Variants in EXOSC5 observed in about 807,000 individuals in gnomAD.
EXOSC5 encodes exosome complex component RRP46.
EXOSC5 carries 15 observed loss-of-function variants against 23.7 expected under a neutral mutation model. The observed-to-expected ratio is 0.63, with a 90% CI of 0.42 to 0.97. The LOEUF (loss-of-function observed/expected upper bound fraction) is 0.97. EXOSC5 is among the 50% of genes least tolerant of loss of function. The pLI, the probability that EXOSC5 is intolerant of heterozygous loss-of-function variation, is 0.00. For synonymous variants in EXOSC5, 143 were observed against 140.9 expected (o/e 1.02, Z -0.11); for missense variants, 305 against 316.3 (o/e 0.96, Z 0.27).
intron 1 of EXOSC5, among the ~76,000 whole-genome samples, chr19:41,394,279 G>A (rs1295639078): frequency 6.6e-6 from 1 of 151,998 alleles, no homozygotes; most frequent in Admixed American, 6.6e-5. Flanking sequence ...TTGGGAGGCC[G>A]ACGCAGGAGA....
chr19:41,386,838 C>A (rs939236283), intron 5 of EXOSC5, 113 bp from the exon 6 acceptor site: 1 of 830,032 alleles, frequency 1.2e-6, no homozygotes, highest in Non-Finnish European at 1.9e-6. Context: ...TCCCATCACT[C>A]CCCTGCCCCC....
At chr19:41,388,404 A>G (rs1324677448) in intron 4 of EXOSC5, among the ~76,000 whole-genome samples, 1 of 152,206 alleles carries the variant, frequency 6.6e-6, no homozygotes, top group Non-Finnish European at 1.5e-5. Context: ...GGACAATGGC[A>G]GGTGCTGATG....
chr19:41,393,331 C>T (rs1040552871), intron 1 of EXOSC5, among the ~76,000 whole-genome samples: 2 of 152,054 alleles, frequency 1.3e-5, no homozygotes, highest in African/African-American at 4.8e-5. Context: ...GTGGTGCCAT[C>T]ACGGCTCATT....
At chr19:41,388,048 C>A (rs755077976) in intron 4 of EXOSC5, among the ~76,000 whole-genome samples, 1 of 152,210 alleles carries the variant, frequency 6.6e-6, no homozygotes, top group South Asian at 2.1e-4. Flanking sequence ...CATAGCCAGG[C>A]GCTCACCTAT....
In EXOSC5 at chr19:41,391,852, C is replaced by T. The variant is rs952451803; in HGVS notation, c.373G>A (p.Asp125Asn). Residue 125 changes from aspartate to asparagine, a missense_variant, in exon 3 of 6, where the codon GAT (aspartate) becomes AAT (asparagine). Transcript: ENST00000221233. Reference sequence around the variant, plus strand: ...GGCAGAAAGGATACAGAGCCGGCATCGCTGACAACCTGCAGCACCACGGTG... The same window carrying T: ...GGCAGAAAGGATACAGAGCCGGCATTGCTGACAACCTGCAGCACCACGGTG... The part of the protein sequence containing the change: ...SITVVLQVVS[D>N]AGSLLACCLN... The T allele has an allele frequency of 1.6e-5, 25 of 1,522,890 alleles. 1 individual carries two copies. Among genetic ancestry groups the T allele is most frequent in the South Asian group, 9.0e-5 (7 of 78,054 alleles). The allele number at this position is 1,522,890 out of a possible 1,614,324, so 94.3% of individuals were successfully genotyped here.
rs1377829741 is a variant in EXOSC5, at chr19:41,387,506, G to C, written c.615+8C>G. The C allele has an allele frequency of 6.3e-7, 1 of 1,588,670 alleles. No individual in the cohort carries two copies. Among genetic ancestry groups the C allele is most frequent in the Admixed American group, 1.8e-5 (1 of 55,218 alleles). On this transcript the variant is annotated splice_region_variant and intron_variant, in intron 5 of 5. Transcript: ENST00000221233. ...TTCTGGCTTTTCCCCTCATCCCCATGCTGGTACCTCAGTGTCTGAGTAGAG... is the reference window on the plus strand; with the variant it reads ...TTCTGGCTTTTCCCCTCATCCCCATCCTGGTACCTCAGTGTCTGAGTAGAG...
intron 1 of EXOSC5, among the ~76,000 whole-genome samples, chr19:41,395,621 C>T (rs1568498228): frequency 6.6e-6 from 1 of 152,202 alleles, no homozygotes; most frequent in Non-Finnish European, 1.5e-5. Flanking sequence ...TCAGCCCTCA[C>T]ATCTCAGACA....
At chr19:41,390,100 TC>T (rs2039013162) in intron 3 of EXOSC5, among the ~76,000 whole-genome samples, 195 bp from the exon 4 acceptor site, 1 of 152,126 alleles carries the variant, frequency 6.6e-6, no homozygotes, top group African/African-American at 2.4e-5. Flanking sequence ...ACCCGGCTAA[TC>T]TTTGTATTTT....
At position 41,397,237 on chromosome 19, in the gene EXOSC5, A is replaced by G. The variant is rs140895550; in HGVS notation, c.92T>C (p.Phe31Ser). The G allele has an allele frequency of 7.4e-6, 12 of 1,614,068 alleles. No homozygotes were observed. The African/African-American group carries it at 1.6e-4, about 22-fold the overall frequency. The change falls in exon 1 of 6, where the codon TTT (phenylalanine) becomes TCT (serine). Residue 31 changes from phenylalanine (F) to serine (S), a missense_variant. Physicochemically the swap from Phe to Ser is radical, Grantham distance 155. Transcript: ENST00000221233. The part of the protein sequence containing the change: ...PRGPGCSLRH[F>S]ACEQNLLSRP... ...CGACAGCAGGTTCTGTTCGCAGGCA[A>G]AGTGCCGGAGGCTGCAGCCAGGACC...
intron 5 of EXOSC5, 39 bp from the exon 6 acceptor site, chr19:41,386,764 C>A (rs1222959161): frequency 1.4e-5 from 22 of 1,533,010 alleles, no homozygotes; most frequent in Non-Finnish European, 1.9e-5. Context: ...GGGCCGAGCC[C>A]TTCATGCACA....
chr19:41,392,550 C>T (rs974791210), intron 2 of EXOSC5, among the ~76,000 whole-genome samples: 1 of 151,558 alleles, frequency 6.6e-6, no homozygotes, highest in Non-Finnish European at 1.5e-5. Flanking sequence ...TGCCACTGCA[C>T]TCCAGCCGGG....
In EXOSC5 at chr19:41,392,999, G is replaced by C; in HGVS notation, c.149-19C>G. 2 of 1,607,912 alleles carry C rather than the reference G, an allele frequency of 1.2e-6. No homozygotes were observed. The highest frequency in any genetic ancestry group is 8.5e-7 in the Non-Finnish European group (1 of 1,176,092). On this transcript the variant is annotated intron_variant, in intron 1 of 5. Transcript: ENST00000221233. The stretch of plus-strand genomic sequence containing the variant: ...GTGTCACCTGAGGAGACAGCAGGGA[G>C]GGCCTCACTCACAGCTTCCCTGCTC...
Position 41,389,859 on chromosome 19 carries a change from G to A in EXOSC5, c.431C>T (p.Ala144Val). The stretch of plus-strand genomic sequence containing the variant: ...GAAGAGAGCCCGCATGGGCACACCT[G>A]CATCCACCAATGCCATGCAGGCGGC... Reference protein sequence around the residue: ...LNAACMALVDAGVPMRALFCG... With the variant: ...LNAACMALVDVGVPMRALFCG... The change falls in exon 4 of 6, where the codon GCA (alanine) becomes GTA (valine). Residue 144 changes from alanine (A) to valine (V), a missense_variant. Transcript: ENST00000221233. The A allele has an allele frequency of 6.2e-7, 1 of 1,613,920 alleles. No individual in the cohort carries two copies. The highest frequency in any genetic ancestry group is 8.5e-7 in the Non-Finnish European group (1 of 1,179,918).
At position 41,386,738 on chromosome 19, in the gene EXOSC5, G is replaced by A; in HGVS notation, c.616-13C>T. ...GGCACTGCTGGAGCTGCGGGGGAGAGACTGGTCGGTGCTGGGGGCCGAGCC... is the reference window on the plus strand; with the variant it reads ...GGCACTGCTGGAGCTGCGGGGGAGAAACTGGTCGGTGCTGGGGGCCGAGCC... On this transcript the variant is annotated splice_polypyrimidine_tract_variant and intron_variant, in intron 5 of 5. Transcript: ENST00000221233. The A allele has an allele frequency of 1.3e-6, 2 of 1,570,814 alleles. No individual in the cohort carries two copies. The highest frequency in any genetic ancestry group is 8.6e-7 in the Non-Finnish European group (1 of 1,161,992).
chr19:41,397,291 G>A lies in EXOSC5; in HGVS notation c.38C>T (p.Ala13Val), dbSNP rs772326120. 1.2e-6 allele frequency: 2 copies of A among 1,613,856 alleles called. No individual in the cohort carries two copies. The highest frequency in any genetic ancestry group is 4.5e-5 in the East Asian group (2 of 44,898). Residue 13 changes from alanine to valine, a missense_variant, in exon 1 of 6, where the codon GCT (alanine) becomes GTT (valine). Coordinates refer to ENST00000221233, the MANE Select transcript of EXOSC5 (RefSeq NM_020158.4). ...AGGGCTGGACCCTGTTCCATTTTCAGCACGGATTTTGGCGTCAGTATGCGT... is the reference window on the plus strand; with the variant it reads ...AGGGCTGGACCCTGTTCCATTTTCAACACGGATTTTGGCGTCAGTATGCGT... ...EETHTDAKIRAENGTGSSPRG... is the reference protein window; with the variant it reads ...EETHTDAKIRVENGTGSSPRG...
chr19:41,389,720 G>A (rs2039008734), intron 4 of EXOSC5, 45 bp downstream of exon 4: 1 of 1,591,040 alleles, frequency 6.3e-7, no homozygotes, highest in Admixed American at 1.8e-5. Context: ...GGGACGGGCA[G>A]CTGTCTGGCC....
Position 41,391,949 on chromosome 19 carries a change from C to T in EXOSC5, c.276G>A (p.Lys92=). 1 of 1,584,190 alleles carries T rather than the reference C, an allele frequency of 6.3e-7. No homozygotes were observed. Among genetic ancestry groups the T allele is most frequent in the Non-Finnish European group, 8.6e-7 (1 of 1,168,430 alleles). ...TGTTCCTGATCAGCCGCTCCCGGCTCTTCTCTGCAACACCTGGGGAAATTG... is the reference window on the plus strand; with the variant it reads ...TGTTCCTGATCAGCCGCTCCCGGCTTTTCTCTGCAACACCTGGGGAAATTG... ...PKIGLPGVAE[K]SRERLIRNTC... Residue 92 remains lysine, a synonymous_variant, in exon 3 of 6, where the codon AAG becomes AAA. Coordinates refer to ENST00000221233, the MANE Select transcript of EXOSC5 (RefSeq NM_020158.4).
chr19:41,391,829 C>A lies in EXOSC5; in HGVS notation c.384+12G>T. The A allele has an allele frequency of 6.7e-7, 1 of 1,496,684 alleles. No individual in the cohort carries two copies. Among genetic ancestry groups the A allele is most frequent in the Non-Finnish European group, 8.9e-7 (1 of 1,129,438 alleles). The allele number at this position is 1,496,684 out of a possible 1,614,324, so 92.7% of individuals were successfully genotyped here. A position where few individuals can be genotyped will look rare whatever the true frequency, so the allele number is the denominator to read the frequency against. On this transcript the variant is annotated intron_variant, in intron 3 of 5. Transcript: ENST00000221233. ...AGACTTCCTGGAGGAGGAGGCCTGG[C>A]AGAAAGGATACAGAGCCGGCATCGC...
At chr19:41,392,031 C>A (rs748963405) in intron 2 of EXOSC5, 69 bp from the exon 3 acceptor site, 3 of 1,528,960 alleles carry the variant, frequency 2.0e-6, no homozygotes, top group Non-Finnish European at 2.6e-6. Flanking sequence ...TACGCCTCAC[C>A]CAAATTCCCA....
Sources: gnomAD v4.1 joint callset for allele counts (sites outside exome capture counted in the v4.1 genomes callset) on GRCh38, gnomAD v4.1.1 for gene constraint, MANE v1.5 for transcripts, NCBI Gene and HGNC (gene_info 2026-07-23, HGNC 2026-07-21) for gene names.